TG: variants seen among roughly 807,000 people sequenced by gnomAD.
The protein encoded by TG is thyroid hormones.
TG carries 270 observed loss-of-function variants against 324.7 expected under a neutral mutation model. That is an observed-to-expected ratio of 0.83 (90% confidence interval 0.75 to 0.92). TG has a LOEUF of 0.92. Ranked by LOEUF, TG falls within the 40% of genes least tolerant of loss-of-function variation. TG has a pLI of 0.00. For missense variants in TG, 3,591 were observed against 3,456.4 expected (o/e 1.04, Z -0.98); for synonymous variants, 1,401 against 1,327.0 (o/e 1.06, Z -1.21).
chr8:133,049,395 A>G (rs1190726588), intron 41 of TG: 3 of 303,364 alleles, frequency 9.9e-6, no homozygotes, highest in African/African-American at 6.5e-5. Flanking sequence ...AGAACTACAC[A>G]TGTATCATTA....
intron 38 of TG, among the ~76,000 whole-genome samples, chr8:133,019,103 G>C (rs952265302): frequency 2.6e-5 from 4 of 152,240 alleles, no homozygotes; most frequent in African/African-American, 4.8e-5. Context: ...GTAAGGATTA[G>C]GTGATGAGCC....
At chr8:133,130,502 T>C (rs915218544) in intron 45 of TG, among the ~76,000 whole-genome samples, 2 of 152,024 alleles carry the variant, frequency 1.3e-5, no homozygotes, top group Non-Finnish European at 2.9e-5. Context: ...CCACTGAGGA[T>C]GGAGGAAGGC....
At chr8:133,052,353 A>C (rs1049188315) in intron 41 of TG, among the ~76,000 whole-genome samples, 4 of 152,250 alleles carry the variant, frequency 2.6e-5, no homozygotes, top group Admixed American at 2.0e-4. Context: ...CCCTGACAAT[A>C]AGCCATGTAA....
chr8:133,073,178 T>C (rs1257847058), intron 41 of TG: 1 of 152,212 alleles, frequency 6.6e-6, no homozygotes, highest in Admixed American at 6.5e-5. Context: ...CGACCCAGAA[T>C]GTTGACACAG....
chr8:133,018,725 C>T (rs1378448478), intron 38 of TG, among the ~76,000 whole-genome samples: 2 of 152,146 alleles, frequency 1.3e-5, no homozygotes, highest in East Asian at 1.9e-4. Flanking sequence ...TCCTTCCCAA[C>T]TGAATCTCCT....
At chr8:133,100,551 A>C (rs1849080902) in intron 43 of TG, among the ~76,000 whole-genome samples, 1 of 152,230 alleles carries the variant, frequency 6.6e-6, no homozygotes, top group South Asian at 2.1e-4. Flanking sequence ...TCTTCAATGA[A>C]ATAATTCACC....
chr8:133,037,814 G>A (rs1005593840), intron 41 of TG: 9 of 152,252 alleles, frequency 5.9e-5, no homozygotes, highest in Admixed American at 3.9e-4. Context: ...TGCAGTTCTA[G>A]TCTCGCCTCC....
chr8:132,971,692 A>G, intron 32 of TG, 102 bp from the exon 33 acceptor site: 2 of 809,896 alleles, frequency 2.5e-6, no homozygotes, highest in Non-Finnish European at 4.4e-6. Context: ...GTAAAAAAAT[A>G]AGCTAGTTCC....
intron 27 of TG, among the ~76,000 whole-genome samples, chr8:132,958,099 C>T (rs535355024): frequency 3.9e-4 from 59 of 152,270 alleles, no homozygotes; most frequent in Non-Finnish European, 5.0e-4. Flanking sequence ...TCATCCAGGT[C>T]GCTGCAAATA....
chr8:132,969,227 T>C (rs375065421), intron 31 of TG, among the ~76,000 whole-genome samples: 20 of 152,200 alleles, frequency 1.3e-4, no homozygotes, highest in African/African-American at 4.6e-4. Flanking sequence ...CCATATGCTT[T>C]CTAGCTTCCA....
At chr8:132,971,946 C>CT (rs1244360958) in intron 33 of TG, 73 bp downstream of exon 33, 1 of 1,085,880 alleles carries the variant, frequency 9.2e-7, no homozygotes, top group Non-Finnish European at 1.4e-6. Context: ...CACATCTATG[C>CT]TTTTACAAAT....
chr8:132,913,863 G>C (rs1819896025), intron 20 of TG, among the ~76,000 whole-genome samples: 3 of 152,208 alleles, frequency 2.0e-5, no homozygotes, highest in Non-Finnish European at 4.4e-5. Context: ...GGATTACAAT[G>C]CGGGCATCAC....
intron 41 of TG, among the ~76,000 whole-genome samples, chr8:133,066,945 A>G (rs1268112011): frequency 6.6e-6 from 1 of 152,140 alleles, no homozygotes; most frequent in Non-Finnish European, 1.5e-5. Flanking sequence ...AGAGTCCTCA[A>G]ATCTGATGGG....
At chr8:132,940,698 C>T (rs1185202503) in intron 25 of TG, among the ~76,000 whole-genome samples, 1 of 152,182 alleles carries the variant, frequency 6.6e-6, no homozygotes, top group Non-Finnish European at 1.5e-5. Flanking sequence ...TTGAAGACAG[C>T]CCCTGGGTGG....
chr8:133,110,281 A>T (rs1401447256), intron 43 of TG, among the ~76,000 whole-genome samples: 2 of 152,198 alleles, frequency 1.3e-5, no homozygotes, highest in African/African-American at 4.8e-5. Flanking sequence ...ATCTGTGAGC[A>T]GTACTTGGCC....
intron 41 of TG, among the ~76,000 whole-genome samples, chr8:133,070,425 G>C (rs1305110422): frequency 1.3e-5 from 2 of 152,182 alleles, no homozygotes; most frequent in African/African-American, 4.8e-5. Flanking sequence ...ACTATGCGGA[G>C]GGCCTAAAGG....
At position 133,133,602 on chromosome 8, in the gene TG, G is replaced by A. The variant is rs1403374053; in HGVS notation, c.8130G>A (p.Leu2710=). ...AGCTGCTCCCCAATCGACAGGGCCT[G>A]AAGAAAGCCGACTGCTCCTTCTGGT... ...FSELLPNRQG[L]KKADCSFWSK... is the part of the protein sequence containing the mutation. Residue 2710 remains leucine (L), a synonymous_variant, in exon 47 of 48, where the codon CTG becomes CTA. Coordinates refer to ENST00000220616, the MANE Select transcript of TG (RefSeq NM_003235.5). 6.2e-7 allele frequency: 1 copy of A among 1,614,126 alleles called. No individual in the cohort carries two copies. The highest frequency in any genetic ancestry group is 8.5e-7 in the Non-Finnish European group (1 of 1,180,044).
intron 41 of TG, among the ~76,000 whole-genome samples, chr8:133,056,898 G>A (rs1210329061): frequency 6.6e-6 from 1 of 152,180 alleles, no homozygotes; most frequent in Non-Finnish European, 1.5e-5. Flanking sequence ...GGAACTCCTA[G>A]GAAATTCAGC....
chr8:132,956,598 T>C (rs1826908346), intron 27 of TG, among the ~76,000 whole-genome samples: 1 of 152,182 alleles, frequency 6.6e-6, no homozygotes, highest in Non-Finnish European at 1.5e-5. Flanking sequence ...CGCAGAGGCC[T>C]GACAGCAAGC....
Sources: allele counts gnomAD v4.1 joint callset (sites outside exome capture counted in the v4.1 genomes callset), GRCh38; gene constraint gnomAD v4.1.1; transcripts MANE v1.5; gene names NCBI Gene and HGNC (gene_info 2026-07-23, HGNC 2026-07-21).